Variants in SI observed in about 807,000 individuals in gnomAD.
SI encodes sucrase-isomaltase, intestinal.
In SI, 235 loss-of-function variants were observed where a neutral mutation model predicts 253.3. The ratio of observed to expected loss-of-function variants is 0.93; its 90% confidence interval spans 0.83 to 1.03. The LOEUF is 1.03. Among genes scored for constraint, SI ranks in the 50% least tolerant of loss-of-function variants. The probability of loss-of-function intolerance (pLI) is 0.00; values close to 1 mark genes in which losing one functional copy is unlikely to be tolerated. For synonymous variants in SI, 819 were observed against 712.0 expected (o/e 1.15, Z -2.39); for missense variants, 2,442 against 2,211.1 (o/e 1.10, Z -2.09).
chr3:164,985,496 T>C (rs1717392764), intron 45 of SI, among the ~76,000 whole-genome samples: 1 of 152,198 alleles, frequency 6.6e-6, no homozygotes, highest in South Asian at 2.1e-4. Context: ...TCTTGCTGTC[T>C]AGCATATAAT....
chr3:165,056,423 A>G (rs992535158), intron 12 of SI, among the ~76,000 whole-genome samples: 1 of 152,156 alleles, frequency 6.6e-6, no homozygotes, highest in East Asian at 1.9e-4. Flanking sequence ...CCATACACAA[A>G]GAAAGTACCT....
chr3:165,026,415 G>A (rs1442189964), intron 25 of SI, among the ~76,000 whole-genome samples: 2 of 151,250 alleles, frequency 1.3e-5, no homozygotes, highest in Admixed American at 1.3e-4. Context: ...GATAGTACTA[G>A]ACAGATCATC....
intron 34 of SI, among the ~76,000 whole-genome samples, chr3:165,012,577 C>T (rs1718821721): frequency 6.7e-6 from 1 of 149,640 alleles, no homozygotes; most frequent in South Asian, 2.1e-4. Flanking sequence ...TACAGGCTCC[C>T]GCCACCACGC....
intron 27 of SI, 31 bp downstream of exon 27, chr3:165,021,198 A>G: frequency 6.3e-7 from 1 of 1,590,302 alleles, no homozygotes; most frequent in Non-Finnish European, 8.6e-7. Flanking sequence ...AAATTAAAAT[A>G]TCCTTTATAT....
rs184406837 is a variant in SI at position 165,017,054 on chromosome 3, T to C, written c.3759+494A>G. 1.6e-4 allele frequency among the ~76,000 whole-genome samples: 24 copies of C among 152,078 alleles called. 1 individual carries two copies. Among genetic ancestry groups the C allele is most frequent in the Admixed American group, 1.6e-3 (24 of 15,216 alleles). On this transcript the variant is annotated intron_variant, in intron 31 of 47. Transcript: ENST00000264382. The stretch of plus-strand genomic sequence containing the variant: ...GATAAAAAATGAGGAAATTCAGAGA[T>C]TGATCATTTGTGGATACTTTGGAAT...
chr3:165,052,755 T>A (rs1181968816), intron 13 of SI, among the ~76,000 whole-genome samples: 1 of 152,154 alleles, frequency 6.6e-6, no homozygotes, highest in Admixed American at 6.6e-5. Context: ...TGGCATTTTA[T>A]ACTCACATTT....
intron 23 of SI, 66 bp downstream of exon 23, chr3:165,033,329 C>G: frequency 7.2e-7 from 1 of 1,388,792 alleles, no homozygotes; most frequent in Non-Finnish European, 9.5e-7. Context: ...AAAAATTTAT[C>G]ATAAAAGAAT....
At chr3:165,053,865 A>G (rs1392635906) in intron 13 of SI, among the ~76,000 whole-genome samples, 1 of 152,130 alleles carries the variant, frequency 6.6e-6, no homozygotes, top group Non-Finnish European at 1.5e-5. Flanking sequence ...TAAGAACTAG[A>G]ATTAAAAATA....
At chr3:165,067,536 T>A (rs1266207309) in intron 5 of SI, 45 bp from the exon 6 acceptor site, 1 of 1,486,760 alleles carries the variant, frequency 6.7e-7, no homozygotes, top group East Asian at 2.3e-5. Context: ...TCTAAACTAT[T>A]ATTTAATATT....
chr3:165,041,974 C>T (rs1227457450), intron 17 of SI, among the ~76,000 whole-genome samples: 1 of 152,064 alleles, frequency 6.6e-6, no homozygotes, highest in African/African-American at 2.4e-5. Context: ...TTGGTTAGAA[C>T]TAGGCGCAAT....
chr3:165,049,214 G>T lies in SI; in HGVS notation c.1628C>A (p.Thr543Lys), dbSNP rs200607628. 3 of 1,608,902 alleles carry T rather than the reference G, an allele frequency of 1.9e-6. No individual in the cohort carries two copies. The highest frequency in any genetic ancestry group is 1.7e-5 in the Admixed American group (1 of 59,924). ...DILDKLMYSK[T>K]ICMDAVQNWG... ...GTTCTGCACAGCATCCATGCAAATT[G>T]TTTTGGAATACATGAGTTTGTCAAG... The change falls in exon 15 of 48, where the codon ACA (threonine) becomes AAA (lysine). Residue 543 changes from threonine to lysine, a missense_variant. Thr to Lys is a moderately conservative substitution (Grantham distance 78, BLOSUM62 -1). Coordinates refer to ENST00000264382, the MANE Select transcript of SI (RefSeq NM_001041.4).
upstream of SI, among the ~76,000 whole-genome samples, chr3:165,080,656 A>C (rs191334913): frequency 1.3e-5 from 2 of 152,190 alleles, no homozygotes; most frequent in African/African-American, 4.8e-5. Context: ...GCAAGGACAA[A>C]AAACCAAACA....
chr3:164,986,535 C>T (rs938388364), intron 45 of SI, among the ~76,000 whole-genome samples: 3 of 152,142 alleles, frequency 2.0e-5, no homozygotes, highest in Non-Finnish European at 4.4e-5. Flanking sequence ...TTTGTCCAAT[C>T]ACATTTCTAC....
intron 45 of SI, among the ~76,000 whole-genome samples, chr3:164,983,506 A>T (rs907594630): frequency 6.6e-6 from 1 of 152,186 alleles, no homozygotes; most frequent in Non-Finnish European, 1.5e-5. Flanking sequence ...CAAATTCAGT[A>T]GTTAGAGATT....
chr3:164,980,828 T>G (rs748643916), intron 47 of SI, among the ~76,000 whole-genome samples: 12 of 152,034 alleles, frequency 7.9e-5, no homozygotes, highest in African/African-American at 9.7e-5. Flanking sequence ...TTTGCTTTAT[T>G]TTTACCATAA....
chr3:164,981,163 T>C (rs1278136860), intron 47 of SI, among the ~76,000 whole-genome samples: 2 of 152,098 alleles, frequency 1.3e-5, no homozygotes, highest in Non-Finnish European at 2.9e-5. Flanking sequence ...ACATTAAATA[T>C]ATCAAAGTTG....
At chr3:165,027,770 G>A (rs980191207) in intron 25 of SI, among the ~76,000 whole-genome samples, 2 of 150,248 alleles carry the variant, frequency 1.3e-5, no homozygotes, top group African/African-American at 2.4e-5. Context: ...CAGCAAAATC[G>A]GCAAACAAGG....
rs1250470182 is a variant in SI, at chr3:165,063,540, T to A, written c.809A>T (p.Asn270Ile). ...IFTRDQLPGD[N>I]NNNLYGHQTF... ...TTGATGGCCGTATAAATTATTATTA[T>A]TCTATAAGGCAAGAATTTGAAAATA... The change falls in exon 8 of 48, where the codon AAT becomes ATT. Residue 270 changes from asparagine to isoleucine, a missense_variant and splice_region_variant. Coordinates refer to ENST00000264382, the MANE Select transcript of SI (RefSeq NM_001041.4). 2 of 1,332,438 alleles carry A rather than the reference T, an allele frequency of 1.5e-6. No individual in the cohort carries two copies. Among genetic ancestry groups the A allele is most frequent in the South Asian group, 1.2e-5 (1 of 81,422 alleles). 82.5% of individuals were successfully genotyped at this position (1,332,438 alleles called of 1,614,324 possible).
chr3:165,008,690 T>A (rs892271064), intron 35 of SI, among the ~76,000 whole-genome samples: 5 of 151,956 alleles, frequency 3.3e-5, no homozygotes, highest in African/African-American at 1.2e-4. Flanking sequence ...TGTATAAAGC[T>A]TTTTTCAATT....
Sources: allele counts gnomAD v4.1 joint callset (sites outside exome capture counted in the v4.1 genomes callset), GRCh38; gene constraint gnomAD v4.1.1; transcripts MANE v1.5; gene names NCBI Gene and HGNC (gene_info 2026-07-23, HGNC 2026-07-21).